MED15: variants seen among roughly 807,000 people sequenced by gnomAD.
MED15 encodes the protein mediator complex subunit 15, also known as mediator of RNA polymerase II transcription subunit 15.
Under a neutral mutation model 118.7 loss-of-function variants are expected in MED15, and 41 were observed. The ratio of observed to expected loss-of-function variants is 0.35; its 90% CI spans 0.27 to 0.45. The LOEUF is 0.45. Ranked by LOEUF, MED15 falls within the 20% of genes least tolerant of loss-of-function variation. MED15 has a pLI of 1.00. For synonymous variants in MED15, 436 were observed against 413.9 expected (o/e 1.05, Z -0.65); for missense variants, 740 against 1,025.5 (o/e 0.72, Z 3.80).
chr22:20,556,510 G>A (rs549771283), intron 5 of MED15, among the ~76,000 whole-genome samples: 1 of 152,172 alleles, frequency 6.6e-6, no homozygotes, highest in South Asian at 2.1e-4. Flanking sequence ...ATGTTGGCCA[G>A]GCTGGTCTCA....
intron 1 of MED15, among the ~76,000 whole-genome samples, chr22:20,531,914 C>G (rs1178269388): frequency 2.6e-5 from 4 of 152,206 alleles, no homozygotes; most frequent in African/African-American, 4.8e-5. Context: ...CCTAACAGGC[C>G]TGATGGGATA....
intron 2 of MED15, 197 bp from the exon 3 acceptor site, chr22:20,551,239 C>T: frequency 1.4e-6 from 1 of 715,200 alleles, no homozygotes; most frequent in Non-Finnish European, 2.6e-6. Context: ...TTCTTTGTGC[C>T]TGTTATTGGC....
Position 20,576,753 on chromosome 22 carries a change from G to C in MED15, c.1272+1521G>C, listed in dbSNP as rs543968464. Among the ~76,000 whole-genome samples the C allele has an allele frequency of 2.6e-5, 4 of 152,336 alleles. No individual in the cohort carries two copies. The East Asian group carries it at 7.7e-4, about 29-fold the overall frequency. On this transcript the variant is annotated intron_variant, in intron 9 of 17. Transcript: ENST00000263205. ...AGGAGGCCAGTGTGGGCAGAAGCCA[G>C]GGTGCAGTTCCCCATGGCCTGGAGG...
In MED15 at chr22:20,516,875, G is replaced by C. The variant is rs115981344; in HGVS notation, c.68+9129G>C. ...AAGAAAGACCCCTATGTCCATATACGCACCACTCTGCTTCAGTGATTATCA... is the reference window on the plus strand; with the variant it reads ...AAGAAAGACCCCTATGTCCATATACCCACCACTCTGCTTCAGTGATTATCA... On this transcript the variant is annotated intron_variant, in intron 1 of 17. Coordinates refer to ENST00000263205, the MANE Select transcript of MED15 (RefSeq NM_001003891.3). Among the ~76,000 whole-genome samples, 150 of 152,046 alleles carry C rather than the reference G, an allele frequency of 9.9e-4. 1 individual carries two copies. Among genetic ancestry groups the C allele is most frequent in the African/African-American group, 3.5e-3 (145 of 41,472 alleles).
At chr22:20,515,796 AT>A (rs1169287181) in intron 1 of MED15, among the ~76,000 whole-genome samples, 1 of 151,496 alleles carries the variant, frequency 6.6e-6, no homozygotes, top group Non-Finnish European at 1.5e-5. Context: ...AAAAAAAAAA[AT>A]ATATAGACCA....
At chr22:20,560,432 T>C (rs904986220) in intron 5 of MED15, among the ~76,000 whole-genome samples, 4 of 152,164 alleles carry the variant, frequency 2.6e-5, no homozygotes, top group Non-Finnish European at 5.9e-5. Flanking sequence ...GCCCAGCTAA[T>C]TTTTGTATCT....
At chr22:20,566,190 C>A (rs2056432714) in intron 6 of MED15, among the ~76,000 whole-genome samples, 1 of 152,098 alleles carries the variant, frequency 6.6e-6, no homozygotes, top group Non-Finnish European at 1.5e-5. Flanking sequence ...CAGGTGTGAG[C>A]CACCATGCCT....
At position 20,515,917 on chromosome 22, in the gene MED15, C is replaced by T. The variant is rs367861369; in HGVS notation, c.68+8171C>T. Among the ~76,000 whole-genome samples, 5 of 152,008 alleles carry T rather than the reference C, an allele frequency of 3.3e-5. No individual in the cohort carries two copies. The South Asian group carries it at 6.2e-4, about 19-fold the overall frequency. ...ACTTGGGAGGCTGAGGTAGGAGAAT[C>T]GCTTGAACCTGAGAGGCGGAGGTTG... On this transcript the variant is annotated intron_variant, in intron 1 of 17. Coordinates refer to ENST00000263205, the MANE Select transcript of MED15 (RefSeq NM_001003891.3).
intron 2 of MED15, chr22:20,550,863 G>A: frequency 3.0e-6 from 1 of 328,996 alleles, no homozygotes; most frequent in Non-Finnish European, 6.0e-6. Flanking sequence ...CCTCACCTGA[G>A]AGTGGGCTTC....
chr22:20,522,231 G>A (rs2054489020), intron 1 of MED15: 2 of 152,256 alleles, frequency 1.3e-5, no homozygotes, highest in African/African-American at 2.4e-5. Context: ...AAAGGACTGG[G>A]TCAGAGGATG....
At chr22:20,523,598 A>G in intron 1 of MED15, 3 of 955,522 alleles carry the variant, frequency 3.1e-6, no homozygotes, top group African/African-American at 1.8e-5. Context: ...AATACCACAG[A>G]GCCATGTGAG....
intron 1 of MED15, among the ~76,000 whole-genome samples, chr22:20,535,113 A>G (rs2055015335): frequency 6.6e-6 from 1 of 152,044 alleles, no homozygotes; most frequent in African/African-American, 2.4e-5. Flanking sequence ...GCCTGCCACC[A>G]CACCCGACTA....
intron 3 of MED15, chr22:20,552,563 C>T (rs1437013650): frequency 1.1e-5 from 5 of 461,094 alleles, no homozygotes; most frequent in Middle Eastern, 3.5e-4. Flanking sequence ...CTGGTGCACA[C>T]AGTCCTGTGG....
chr22:20,575,665 A>C (rs1284324069), intron 9 of MED15, among the ~76,000 whole-genome samples: 1 of 151,926 alleles, frequency 6.6e-6, no homozygotes, highest in Non-Finnish European at 1.5e-5. Flanking sequence ...TGAGGCCAGG[A>C]GTTTGAGACC....
chr22:20,572,311 C>T (rs775036528), intron 8 of MED15, among the ~76,000 whole-genome samples: 1 of 152,190 alleles, frequency 6.6e-6, no homozygotes. Flanking sequence ...TATGAGCTGC[C>T]GCGTGCTGCG....
intron 16 of MED15, 54 bp downstream of exon 16, chr22:20,585,321 C>A (rs2285698): frequency 0.07 from 111,740 of 1,589,182 alleles, 6,974 homozygotes; most frequent in East Asian, 0.38. Context: ...TGACCGCAGC[C>A]CCAGGACTCT....
At chr22:20,584,491 TGA>T in intron 14 of MED15, 66 bp downstream of exon 14, 1 of 1,549,100 alleles carries the variant, frequency 6.5e-7, no homozygotes. Flanking sequence ...GGAGTGCTGC[TGA>T]GAGGGCCTTC....
rs1431955139 is a variant in MED15, at chr22:20,564,634, G to A, written c.636G>A (p.Gln212=). Residue 212 remains glutamine (Q), a synonymous_variant, in exon 6 of 18, where the codon CAG becomes CAA. Coordinates refer to ENST00000263205, the MANE Select transcript of MED15 (RefSeq NM_001003891.3). ...AVVQQQQQLQ[Q]QQQQQQHLIK... ...TGCAGCAGCAGCAGCAGCTCCAGCA[G>A]CAGCAGCAGCAGCAGCAGCATCTAA... The A allele has an allele frequency of 3.1e-6, 5 of 1,604,626 alleles. No homozygotes were observed. Among genetic ancestry groups the A allele is most frequent in the Middle Eastern group, 1.7e-4 (1 of 6,042 alleles).
intron 2 of MED15, among the ~76,000 whole-genome samples, chr22:20,543,568 A>G (rs921999514): frequency 2.4e-5 from 3 of 125,744 alleles, no homozygotes; most frequent in African/African-American, 9.0e-5. Context: ...CCTTTTTTTT[A>G]TTTTTTTGAG....
Sources: allele counts gnomAD v4.1 joint callset (sites outside exome capture counted in the v4.1 genomes callset), GRCh38; gene constraint gnomAD v4.1.1; transcripts MANE v1.5; gene names NCBI Gene and HGNC (gene_info 2026-07-23, HGNC 2026-07-21).